METTL15: variants seen among roughly 807,000 people sequenced by gnomAD.
METTL15 encodes the protein 12S rRNA N(4)-cytidine methyltransferase METTL15.
A neutral mutation model predicts 38.3 loss-of-function variants in METTL15; 34 were observed. The observed-to-expected ratio is 0.89, with a 90% CI of 0.68 to 1.18. The LOEUF (loss-of-function observed/expected upper bound fraction) is 1.18. METTL15 is among the 50% of genes most tolerant of loss of function. METTL15 has a pLI of 0.00. For missense variants in METTL15, 438 were observed against 498.4 expected, an observed-to-expected ratio of 0.88 and a Z score of 1.15; for synonymous variants, 162 against 170.9, an observed-to-expected ratio of 0.95 and a Z score of 0.41.
intron 5 of METTL15, among the ~76,000 whole-genome samples, chr11:28,382,112 T>C (rs1210264841): frequency 6.6e-6 from 1 of 152,186 alleles, no homozygotes; most frequent in African/African-American, 2.4e-5. Context: ...TGAGCCCAGG[T>C]TTACTTCAGT....
intron 6 of METTL15, among the ~76,000 whole-genome samples, chr11:28,461,482 C>A (rs780577804): frequency 2.0e-5 from 3 of 151,918 alleles, no homozygotes; most frequent in Non-Finnish European, 4.4e-5. Flanking sequence ...TCCACATGGT[C>A]TCAAGAGAGG....
At chr11:28,220,752 G>T (rs193192042) in intron 4 of METTL15, among the ~76,000 whole-genome samples, 11 of 152,244 alleles carry the variant, frequency 7.2e-5, no homozygotes, top group African/African-American at 2.6e-4. Context: ...TGTAGGGCAG[G>T]GCTGGTGGTG....
At chr11:28,238,705 C>T (rs779501117) in intron 4 of METTL15, among the ~76,000 whole-genome samples, 26 of 152,350 alleles carry the variant, frequency 1.7e-4, no homozygotes, top group Non-Finnish European at 2.4e-4. Flanking sequence ...GCGTCGCTCA[C>T]GCTGGGAGCT....
intron 6 of METTL15, among the ~76,000 whole-genome samples, chr11:28,314,595 A>T (rs1157088636): frequency 1.3e-5 from 2 of 152,212 alleles, no homozygotes; most frequent in East Asian, 3.9e-4. Flanking sequence ...CCAGTAATTA[A>T]ATATAAAGGT....
intron 5 of METTL15, among the ~76,000 whole-genome samples, chr11:28,367,572 T>C (rs1850199001): frequency 6.6e-6 from 1 of 152,176 alleles, no homozygotes. Context: ...TATCACTGAC[T>C]TTCTTCATGG....
rs144765347 is a variant in METTL15, at chr11:28,247,787, C to T, written c.407+36589C>T. ...GGCAAAATGAGTTAACAAGGCGTTACGAGATTTTTTGCATTATGTTTTATT... is the reference window on the plus strand; with the variant it reads ...GGCAAAATGAGTTAACAAGGCGTTATGAGATTTTTTGCATTATGTTTTATT... On this transcript the variant is annotated intron_variant, in intron 4 of 6. Coordinates refer to ENST00000407364, the MANE Select transcript of METTL15 (RefSeq NM_001113528.2). Among the ~76,000 whole-genome samples the T allele has an allele frequency of 2.1e-4, 32 of 152,098 alleles. 1 individual carries two copies. The highest frequency in any genetic ancestry group is 6.0e-4 in the African/African-American group (25 of 41,524).
At chr11:28,510,369 T>C (rs1437185198) in intron 6 of METTL15, among the ~76,000 whole-genome samples, 3 of 152,166 alleles carry the variant, frequency 2.0e-5, no homozygotes, top group Non-Finnish European at 4.4e-5. Flanking sequence ...AAGAGGAAAA[T>C]AGACCTTTAT....
intron 5 of METTL15, among the ~76,000 whole-genome samples, chr11:28,417,768 G>A (rs1850785843): frequency 6.6e-6 from 1 of 152,232 alleles, no homozygotes; most frequent in African/African-American, 2.4e-5. Context: ...GGTGGCTGAG[G>A]ATTAAAATTG....
chr11:28,149,188 ATTT>A (rs577799533), intron 3 of METTL15, among the ~76,000 whole-genome samples: 1 of 136,748 alleles, frequency 7.3e-6, no homozygotes. Flanking sequence ...TCATTTTCTG[ATTT>A]TTTTTTTTTT....
In METTL15 at chr11:28,150,716, A is replaced by G. The variant is rs992354583; in HGVS notation, c.270+37112A>G. On this transcript the variant is annotated intron_variant, in intron 3 of 6. Coordinates refer to ENST00000407364, the MANE Select transcript of METTL15 (RefSeq NM_001113528.2). Reference sequence around the variant, plus strand: ...TCGCCTTCTAGTTATCAGTTTAGAAATCCTGCTCATTAGGGTTGGAATGTT... The same window carrying G: ...TCGCCTTCTAGTTATCAGTTTAGAAGTCCTGCTCATTAGGGTTGGAATGTT... Among the ~76,000 whole-genome samples, 7 of 152,028 alleles carry G rather than the reference A, an allele frequency of 4.6e-5. 1 individual carries two copies. Among genetic ancestry groups the G allele is most frequent in the Admixed American group, 4.6e-4 (7 of 15,218 alleles).
chr11:28,507,305 G>A (rs1243423576), intron 6 of METTL15, among the ~76,000 whole-genome samples: 1 of 152,118 alleles, frequency 6.6e-6, no homozygotes, highest in Non-Finnish European at 1.5e-5. Flanking sequence ...GCTGGAGAAG[G>A]AGGAAGAGAG....
chr11:28,268,352 T>G (rs1232718747), intron 4 of METTL15, among the ~76,000 whole-genome samples: 1 of 152,060 alleles, frequency 6.6e-6, no homozygotes, highest in Non-Finnish European at 1.5e-5. Flanking sequence ...TAAGTAAGTA[T>G]TGATAATGAA....
chr11:28,197,476 C>T (rs1053741636), intron 3 of METTL15: 1 of 446,194 alleles, frequency 2.2e-6, no homozygotes, highest in Non-Finnish European at 4.7e-6. Context: ...TTGCATATCC[C>T]AATTTCCTGG....
chr11:28,509,587 G>A (rs554313092), intron 6 of METTL15, among the ~76,000 whole-genome samples: 6 of 152,174 alleles, frequency 3.9e-5, no homozygotes, highest in African/African-American at 1.2e-4. Flanking sequence ...GGGCAGAAAA[G>A]CAGGAGACCT....
intron 6 of METTL15, among the ~76,000 whole-genome samples, chr11:28,485,306 A>G (rs1324042749): frequency 6.6e-6 from 1 of 152,218 alleles, no homozygotes; most frequent in Non-Finnish European, 1.5e-5. Flanking sequence ...AATAATGACA[A>G]TAACTATATT....
intron 4 of METTL15, among the ~76,000 whole-genome samples, chr11:28,266,876 T>C (rs1000395116): frequency 6.6e-6 from 1 of 152,122 alleles, no homozygotes; most frequent in Non-Finnish European, 1.5e-5. Flanking sequence ...GAAGGAAGAA[T>C]TGGCTGGGCG....
chr11:28,475,893 C>A (rs1393394098), intron 6 of METTL15, among the ~76,000 whole-genome samples: 1 of 152,138 alleles, frequency 6.6e-6, no homozygotes, highest in East Asian at 1.9e-4. Context: ...AATTTGGGGG[C>A]CTGCCTCTCA....
At chr11:28,306,726 G>C (rs1251892652) in intron 6 of METTL15, among the ~76,000 whole-genome samples, 1 of 151,952 alleles carries the variant, frequency 6.6e-6, no homozygotes, top group Non-Finnish European at 1.5e-5. Flanking sequence ...TTATTTTAAA[G>C]AATGTCAAAG....
At chr11:28,345,915 T>C (rs990997053) in intron 3 of METTL15, among the ~76,000 whole-genome samples, 5 of 152,194 alleles carry the variant, frequency 3.3e-5, no homozygotes, top group Non-Finnish European at 7.3e-5. Context: ...AGGCCAGGAA[T>C]GACATTTATA....
Sources: allele counts gnomAD v4.1 joint callset (sites outside exome capture counted in the v4.1 genomes callset), GRCh38; gene constraint gnomAD v4.1.1; transcripts MANE v1.5; gene names NCBI Gene and HGNC (gene_info 2026-07-23, HGNC 2026-07-21).